RIT2: variants seen among roughly 807,000 people sequenced by gnomAD.
RIT2 encodes GTP-binding protein Rit2.
Under a neutral mutation model 23.7 loss-of-function variants are expected in RIT2, and 24 were observed. That is an observed-to-expected ratio of 1.01 (90% CI 0.73 to 1.43). The LOEUF (loss-of-function observed/expected upper bound fraction) is 1.43. Ranked by LOEUF, RIT2 falls within the 40% of genes most tolerant of loss-of-function variation. The pLI is 0.00. For synonymous variants in RIT2, 107 were observed against 91.1 expected, an observed-to-expected ratio of 1.17 and a Z score of -0.99; for missense variants, 236 against 266.9, an observed-to-expected ratio of 0.88 and a Z score of 0.81.
chr18:42,973,058 C>T (rs1158501085), intron 3 of RIT2, among the ~76,000 whole-genome samples: 2 of 151,672 alleles, frequency 1.3e-5, no homozygotes, highest in East Asian at 3.9e-4. Context: ...CATCTATTTG[C>T]CTTATATTAA....
intron 4 of RIT2, among the ~76,000 whole-genome samples, chr18:42,859,851 C>A (rs1907280515): frequency 6.6e-6 from 1 of 151,878 alleles, no homozygotes; most frequent in South Asian, 2.1e-4. Flanking sequence ...CTCACTGCGA[C>A]CTCCACCTTC....
At chr18:43,071,667 T>A (rs1385125878) in intron 1 of RIT2, among the ~76,000 whole-genome samples, 5 of 152,220 alleles carry the variant, frequency 3.3e-5, no homozygotes, top group Admixed American at 3.3e-4. Context: ...TGAGATCTTA[T>A]CCAATGTGTG....
chr18:42,876,600 A>G (rs539735383), intron 4 of RIT2, among the ~76,000 whole-genome samples: 1 of 152,092 alleles, frequency 6.6e-6, no homozygotes, highest in East Asian at 1.9e-4. Flanking sequence ...CTGAAATTGT[A>G]AAGTTAGTAA....
intron 2 of RIT2, among the ~76,000 whole-genome samples, chr18:43,002,756 T>C (rs1223381074): frequency 6.6e-6 from 1 of 151,968 alleles, no homozygotes; most frequent in African/African-American, 2.4e-5. Flanking sequence ...CAAAGATGAC[T>C]AAGTCTTAAT....
intron 4 of RIT2, among the ~76,000 whole-genome samples, chr18:42,922,082 C>T (rs1442272821): frequency 1.3e-5 from 2 of 151,988 alleles, no homozygotes; most frequent in African/African-American, 2.4e-5. Context: ...TATTACAGTT[C>T]CTAAAACAAT....
intron 3 of RIT2, among the ~76,000 whole-genome samples, chr18:42,965,710 G>GC (rs1910202298): frequency 1.9e-5 from 1 of 52,122 alleles, no homozygotes; most frequent in African/African-American, 8.5e-5. Flanking sequence ...TGTACTGATG[G>GC]CTTTTTTTTT....
chr18:43,037,110 G>A (rs1246491771), intron 1 of RIT2, among the ~76,000 whole-genome samples: 1 of 151,926 alleles, frequency 6.6e-6, no homozygotes, highest in Non-Finnish European at 1.5e-5. Context: ...TTAATACATT[G>A]GTTCTAAAAA....
intron 1 of RIT2, among the ~76,000 whole-genome samples, chr18:43,082,417 TACAACAACA>T (rs544304455): frequency 1.3e-5 from 2 of 151,976 alleles, no homozygotes; most frequent in African/African-American, 4.8e-5. Context: ...CTAGCAGAGA[TACAACAACA>T]ACAACAAAAT....
At chr18:42,750,383 AT>A (rs1001302337) in intron 4 of RIT2, among the ~76,000 whole-genome samples, 10 of 151,802 alleles carry the variant, frequency 6.6e-5, no homozygotes, top group African/African-American at 2.4e-4. Context: ...TGGTGAGTTC[AT>A]GTTGTTGTAA....
intron 4 of RIT2, among the ~76,000 whole-genome samples, chr18:42,858,103 C>G (rs915100759): frequency 6.6e-6 from 1 of 152,152 alleles, no homozygotes; most frequent in Non-Finnish European, 1.5e-5. Context: ...ATTGCTTGAA[C>G]CCAGGAGGCG....
intron 1 of RIT2, among the ~76,000 whole-genome samples, chr18:43,043,566 C>T (rs1164750437): frequency 2.8e-4 from 42 of 151,774 alleles, no homozygotes; most frequent in Admixed American, 2.6e-3. Flanking sequence ...CAAGGCGGGC[C>T]GATTACCTGA....
chr18:42,841,522 C>A (rs1013646076), intron 4 of RIT2, among the ~76,000 whole-genome samples: 2 of 151,932 alleles, frequency 1.3e-5, no homozygotes, highest in African/African-American at 4.8e-5. Context: ...AATATATCAC[C>A]CATAATTTTT....
intron 1 of RIT2, among the ~76,000 whole-genome samples, chr18:43,079,564 T>C (rs1270792086): frequency 6.6e-6 from 1 of 152,164 alleles, no homozygotes; most frequent in Non-Finnish European, 1.5e-5. Flanking sequence ...TGATGACAGC[T>C]AAAGCTGTCA....
At chr18:42,891,606 C>A (rs1908177170) in intron 4 of RIT2, among the ~76,000 whole-genome samples, 1 of 152,032 alleles carries the variant, frequency 6.6e-6, no homozygotes, top group Non-Finnish European at 1.5e-5. Context: ...CATGGAATAA[C>A]TTCAAATTCA....
At chr18:43,088,660 T>C (rs1913344075) in intron 1 of RIT2, among the ~76,000 whole-genome samples, 1 of 152,210 alleles carries the variant, frequency 6.6e-6, no homozygotes, top group South Asian at 2.1e-4. Flanking sequence ...GAACTTGAGC[T>C]GAACTTTGAT....
intron 2 of RIT2, among the ~76,000 whole-genome samples, chr18:42,981,935 G>A (rs1338212491): frequency 1.3e-5 from 2 of 152,134 alleles, no homozygotes; most frequent in Non-Finnish European, 2.9e-5. Flanking sequence ...TTCATTGTGT[G>A]CATGTAGCTT....
At chr18:42,901,338 A>G (rs11872170) in intron 4 of RIT2, among the ~76,000 whole-genome samples, 2,290 of 152,020 alleles carry the variant, frequency 0.015, 51 homozygotes, top group African/African-American at 0.052. Context: ...ATGGAACACT[A>G]TTTTTGTTTG....
intron 1 of RIT2, among the ~76,000 whole-genome samples, chr18:43,103,256 C>T (rs775117136): frequency 3.3e-5 from 5 of 151,914 alleles, no homozygotes; most frequent in South Asian, 2.1e-4. Context: ...TACATATGCC[C>T]GGTGTCTTAC....
At chr18:43,028,508 T>A (rs2144277236) in intron 2 of RIT2, among the ~76,000 whole-genome samples, 1 of 152,138 alleles carries the variant, frequency 6.6e-6, no homozygotes, top group Non-Finnish European at 1.5e-5. Flanking sequence ...CAATATCGAA[T>A]TTAATTAGTT....
Sources: gnomAD v4.1 joint callset for allele counts (sites outside exome capture counted in the v4.1 genomes callset) on GRCh38, gnomAD v4.1.1 for gene constraint, MANE v1.5 for transcripts, NCBI Gene and HGNC (gene_info 2026-07-23, HGNC 2026-07-21) for gene names.